The following ANGPT2 variants were observed in gnomAD, a reference collection of about 807,000 sequenced individuals.
ANGPT2 encodes angiopoietin 2, also known as angiopoietin-2.
ANGPT2 carries 28 observed loss-of-function variants against 62.9 expected under a neutral mutation model. The ratio of observed to expected loss-of-function variants is 0.44; its 90% CI spans 0.33 to 0.61. The LOEUF is 0.61. Among genes scored for constraint, ANGPT2 ranks in the 20% least tolerant of loss-of-function variants. The probability of loss-of-function intolerance (pLI) is 0.03; values close to 1 mark genes in which losing one functional copy is unlikely to be tolerated. For synonymous variants in ANGPT2, 284 were observed against 207.8 expected (o/e 1.37, Z -3.15); for missense variants, 727 against 594.9 (o/e 1.22, Z -2.31).
chr8:6,509,667 G>A (rs2916653), intron 7 of ANGPT2, among the ~76,000 whole-genome samples: 46 of 152,240 alleles, frequency 3.0e-4, no homozygotes, highest in African/African-American at 1.1e-3. Flanking sequence ...CAATACAGAC[G>A]ATCCCTGACT....
intron 5 of ANGPT2, 72 bp downstream of exon 5, chr8:6,519,792 T>C: frequency 1.9e-6 from 3 of 1,552,164 alleles, no homozygotes; most frequent in South Asian, 2.4e-5. Flanking sequence ...AGACTTCTGC[T>C]CTCTGGTTCC....
chr8:6,503,806 C>G (rs1358004634), intron 8 of ANGPT2, among the ~76,000 whole-genome samples: 1 of 152,150 alleles, frequency 6.6e-6, no homozygotes, highest in African/African-American at 2.4e-5. Flanking sequence ...GCTCGCTCAG[C>G]TAAAGCCAGG....
rs1313573568 is a variant in ANGPT2, at chr8:6,556,957, G to T, written c.288+5690C>A. ...ACCAACACTGCCTGGACATGTGAAG[G>T]CACTCGATAAATATTTTTTGAACAA... On this transcript the variant is annotated intron_variant, in intron 1 of 8. Coordinates refer to ENST00000629816, the MANE Select transcript of ANGPT2 (RefSeq NM_001118887.2). Among the ~76,000 whole-genome samples, 3 of 152,150 alleles carry T rather than the reference G, an allele frequency of 2.0e-5. No homozygotes were observed. In the East Asian group the frequency reaches 5.8e-4, roughly 29 times the overall value.
rs757307649 is a variant in ANGPT2, at chr8:6,521,375, T to C, written c.602A>G (p.Lys201Arg). 95 of 1,613,424 alleles carry C rather than the reference T, an allele frequency of 5.9e-5. No homozygotes were observed. Among genetic ancestry groups the C allele is most frequent in the Middle Eastern group, 1.6e-4 (1 of 6,080 alleles). The change falls in exon 4 of 9, where the codon AAG (lysine) becomes AGG (arginine). Residue 201 changes from lysine to arginine, a missense_variant. Lys to Arg is a conservative substitution (Grantham distance 26). Transcript: ENST00000629816. ...LEKKVLAMED[K>R]HIIQLQSIKE... ...TATTGACTGTAGTTGGATGATGTGC[T>C]TGTCTTCCATAGCTAGCACCTTCTT...
At chr8:6,540,023 G>T (rs1266837136) in intron 1 of ANGPT2, among the ~76,000 whole-genome samples, 1 of 152,156 alleles carries the variant, frequency 6.6e-6, no homozygotes, top group Non-Finnish European at 1.5e-5. Flanking sequence ...ATAAGTTTGT[G>T]GGCCTCAGCT....
chr8:6,508,772 A>C, intron 8 of ANGPT2, 160 bp downstream of exon 8: 1 of 1,064,328 alleles, frequency 9.4e-7, no homozygotes, highest in Admixed American at 2.2e-5. Context: ...CTTAGTCTAA[A>C]AAAAGTGAAA....
chr8:6,548,973 T>C (rs1823097220), intron 1 of ANGPT2, among the ~76,000 whole-genome samples: 1 of 152,222 alleles, frequency 6.6e-6, no homozygotes, highest in Non-Finnish European at 1.5e-5. Context: ...AACCAGTACT[T>C]AATGAATCAA....
chr8:6,541,280 A>G (rs927390474), intron 1 of ANGPT2, among the ~76,000 whole-genome samples: 1 of 152,176 alleles, frequency 6.6e-6, no homozygotes, highest in Non-Finnish European at 1.5e-5. Flanking sequence ...GCTTAGAGAA[A>G]GTCAGTGCCC....
In ANGPT2 at chr8:6,503,137, C is replaced by T. The variant is rs1812534836; in HGVS notation, c.1452G>A (p.Lys484=). ...CTGGTCGGATCATCATGGTTGTGGCCTTGAGCGAATAGCCTGAGCCTTTCC... is the reference window on the plus strand; with the variant it reads ...CTGGTCGGATCATCATGGTTGTGGCTTTGAGCGAATAGCCTGAGCCTTTCC... ...YYWKGSGYSL[K]ATTMMIRPAD... The change falls in exon 9 of 9, where the codon AAG becomes AAA. Residue 484 remains lysine, a synonymous_variant. Transcript: ENST00000629816. 1 of 1,614,068 alleles carries T rather than the reference C, an allele frequency of 6.2e-7. No individual in the cohort carries two copies.
chr8:6,519,776 G>T, intron 5 of ANGPT2, 88 bp downstream of exon 5: 1 of 1,495,224 alleles, frequency 6.7e-7, no homozygotes. Context: ...GAAGATCTTT[G>T]GGGAGAGACT....
At chr8:6,543,557 G>A (rs1017140359) in intron 1 of ANGPT2, among the ~76,000 whole-genome samples, 8 of 152,314 alleles carry the variant, frequency 5.3e-5, no homozygotes, top group South Asian at 4.1e-4. Context: ...AGGGAAAAGC[G>A]CTGTCGTATA....
chr8:6,549,271 C>T (rs768592610), intron 1 of ANGPT2, among the ~76,000 whole-genome samples: 1 of 152,170 alleles, frequency 6.6e-6, no homozygotes, highest in Admixed American at 6.5e-5. Flanking sequence ...AAACACTGCA[C>T]GGTGATGGAA....
chr8:6,509,285 A>G (rs1814451137), intron 7 of ANGPT2, among the ~76,000 whole-genome samples: 1 of 152,228 alleles, frequency 6.6e-6, no homozygotes, highest in South Asian at 2.1e-4. Flanking sequence ...CCTTCAACAC[A>G]TATCACTTGC....
chr8:6,529,745 C>G (rs374967048), intron 2 of ANGPT2, among the ~76,000 whole-genome samples: 1 of 150,030 alleles, frequency 6.7e-6, no homozygotes. Flanking sequence ...GATTATAGAT[C>G]TGAGCAAGCG....
rs910720706 is a variant in ANGPT2, at chr8:6,508,756, T to C, written c.1327+176A>G. 1.3e-5 allele frequency: 12 copies of C among 890,260 alleles called. No homozygotes were observed. In the African/African-American group the frequency reaches 1.8e-4, roughly 14 times the overall value. 55.1% of individuals were successfully genotyped at this position (890,260 alleles called of 1,614,324 possible). ...GTCTAGCTCCATATCATATTCTCAC[T>C]TAAAACTTAGTCTAAAAAAAGTGAA... On this transcript the variant is annotated intron_variant, in intron 8 of 8. Transcript: ENST00000629816.
intron 5 of ANGPT2, 26 bp from the exon 6 acceptor site, chr8:6,514,804 G>A: frequency 1.2e-6 from 2 of 1,600,492 alleles, no homozygotes; most frequent in Middle Eastern, 1.7e-4. Flanking sequence ...CAGGGTATAA[G>A]TGACAGAGCC....
intron 1 of ANGPT2, among the ~76,000 whole-genome samples, chr8:6,550,466 A>C (rs1320452168): frequency 6.6e-6 from 1 of 151,884 alleles, no homozygotes. Context: ...GCGCGTCCTC[A>C]CCTCCCCTCC....
At chr8:6,549,161 T>C (rs1301601747) in intron 1 of ANGPT2, among the ~76,000 whole-genome samples, 2 of 152,182 alleles carry the variant, frequency 1.3e-5, no homozygotes, top group Non-Finnish European at 2.9e-5. Context: ...AAATGATACA[T>C]GGGTTTGTAC....
In ANGPT2 at chr8:6,509,031, C is replaced by T. The variant is rs1586223675; in HGVS notation, c.1228G>A (p.Gly410Ser). The change falls in exon 8 of 9, where the codon GGC becomes AGC. Residue 410 changes from glycine to serine, a missense_variant. Gly to Ser is a moderately conservative substitution (Grantham distance 56). Coordinates refer to ENST00000629816, the MANE Select transcript of ANGPT2 (RefSeq NM_001118887.2). ...IHLKGLTGTA[G>S]KISSISQPGN... ...GGTTGGCTGATGCTGCTTATTTTGC[C>T]GGCTGTCCCTGTAAGTCCTTTAAGG... The T allele has an allele frequency of 2.5e-6, 4 of 1,614,006 alleles. No homozygotes were observed. The highest frequency in any genetic ancestry group is 3.4e-6 in the Non-Finnish European group (4 of 1,180,012).
Sources: gnomAD v4.1 joint callset for allele counts (sites outside exome capture counted in the v4.1 genomes callset) on GRCh38, gnomAD v4.1.1 for gene constraint, MANE v1.5 for transcripts, NCBI Gene and HGNC (gene_info 2026-07-23, HGNC 2026-07-21) for gene names.